Variants in GRIA1 observed in about 807,000 individuals in gnomAD.
GRIA1 encodes the protein glutamate receptor 1.
GRIA1 carries 31 observed loss-of-function variants against 99.2 expected under a neutral mutation model. The ratio of observed to expected loss-of-function variants is 0.31; its 90% CI spans 0.23 to 0.42. GRIA1 has a LOEUF of 0.42. Ranked by LOEUF, GRIA1 falls within the 10% of genes least tolerant of loss-of-function variation. The pLI is 1.00. For synonymous variants in GRIA1, 438 were observed against 432.4 expected (o/e 1.01, Z -0.16); for missense variants, 782 against 1,157.5 (o/e 0.68, Z 4.71).
intron 13 of GRIA1, among the ~76,000 whole-genome samples, chr5:153,777,010 G>C (rs796276877): frequency 6.6e-6 from 1 of 152,166 alleles, no homozygotes; most frequent in East Asian, 1.9e-4. Flanking sequence ...AAACAAATAA[G>C]CAAGTGCTTT....
chr5:153,580,215 G>A (rs889862180), intron 2 of GRIA1, among the ~76,000 whole-genome samples: 1 of 152,224 alleles, frequency 6.6e-6, no homozygotes, highest in African/African-American at 2.4e-5. Context: ...ACAGTAGGAA[G>A]AGAACTCTTC....
At chr5:153,682,410 G>A (rs1409029206) in intron 7 of GRIA1, among the ~76,000 whole-genome samples, 2 of 152,170 alleles carry the variant, frequency 1.3e-5, no homozygotes, top group Non-Finnish European at 2.9e-5. Flanking sequence ...ACTTTAGTCA[G>A]GCTTCTGAAC....
intron 13 of GRIA1, among the ~76,000 whole-genome samples, chr5:153,779,751 G>A (rs926551153): frequency 1.3e-5 from 2 of 152,052 alleles, no homozygotes; most frequent in African/African-American, 2.4e-5. Flanking sequence ...TAGTAAAGAC[G>A]GGATTTCACC....
At chr5:153,645,389 ACTCACAGTAGACAATTAGGTAC>A (rs1213938079) in intron 2 of GRIA1, among the ~76,000 whole-genome samples, 2 of 152,116 alleles carry the variant, frequency 1.3e-5, no homozygotes, top group African/African-American at 2.4e-5. Context: ...GAAAATGGAG[ACTCACAGTAGACAATTAGGTAC>A]CACTGGTTAA....
rs868312437 is a variant in GRIA1, at chr5:153,770,299, G to C, written c.2154G>C (p.Leu718=). 6.2e-7 allele frequency: 1 copy of C among 1,613,896 alleles called. No individual in the cohort carries two copies. The highest frequency in any genetic ancestry group is 1.7e-5 in the Admixed American group (1 of 59,986). ...RKSKGKYAYL[L]ESTMNEYIEQ... The stretch of plus-strand genomic sequence containing the variant: ...CCAAAGGCAAATATGCCTACCTCCT[G>C]GAGTCCACCATGAATGAGTACATTG... The change falls in exon 13 of 16, where the codon CTG becomes CTC. Residue 718 remains leucine (L), a synonymous_variant. Coordinates refer to ENST00000285900, the MANE Select transcript of GRIA1 (RefSeq NM_000827.4).
At chr5:153,718,403 G>A (rs1759811361) in intron 11 of GRIA1, among the ~76,000 whole-genome samples, 1 of 152,240 alleles carries the variant, frequency 6.6e-6, no homozygotes, top group Admixed American at 6.5e-5. Flanking sequence ...TAAGACAAAG[G>A]GGTCGGCGGG....
intron 2 of GRIA1, among the ~76,000 whole-genome samples, chr5:153,617,681 C>T (rs1766637049): frequency 6.6e-6 from 1 of 152,148 alleles, no homozygotes; most frequent in Admixed American, 6.5e-5. Context: ...CAGAACAAAC[C>T]AACTGAAGCA....
intron 5 of GRIA1, among the ~76,000 whole-genome samples, chr5:153,673,715 A>G (rs1471926385): frequency 6.6e-6 from 1 of 152,246 alleles, no homozygotes; most frequent in African/African-American, 2.4e-5. Context: ...AACTGAAATG[A>G]GGCCATAGAT....
intron 2 of GRIA1, among the ~76,000 whole-genome samples, chr5:153,606,720 T>G (rs966832299): frequency 6.6e-6 from 1 of 151,952 alleles, no homozygotes; most frequent in Non-Finnish European, 1.5e-5. Flanking sequence ...TGATTAATTT[T>G]ATATTGATTT....
chr5:153,622,330 G>GTACC (rs1475939310), intron 2 of GRIA1, among the ~76,000 whole-genome samples: 2 of 152,184 alleles, frequency 1.3e-5, no homozygotes, highest in Non-Finnish European at 2.9e-5. Flanking sequence ...ATCCAAACGA[G>GTACC]TACCTCATCT....
intron 8 of GRIA1, among the ~76,000 whole-genome samples, chr5:153,688,586 G>A (rs1361393503): frequency 2.6e-5 from 4 of 152,276 alleles, no homozygotes; most frequent in Admixed American, 6.5e-5. Flanking sequence ...GTTAGCACAC[G>A]GCTGAAATCT....
At chr5:153,640,954 A>T (rs1753739523) in intron 2 of GRIA1, among the ~76,000 whole-genome samples, 1 of 152,162 alleles carries the variant, frequency 6.6e-6, no homozygotes, top group African/African-American at 2.4e-5. Flanking sequence ...AATTCTTTGC[A>T]TGTCAGCATT....
intron 13 of GRIA1, among the ~76,000 whole-genome samples, chr5:153,773,425 C>T (rs1240516756): frequency 2.0e-5 from 3 of 152,132 alleles, no homozygotes; most frequent in Non-Finnish European, 2.9e-5. Flanking sequence ...TAACCACCAA[C>T]TTGGGAATTA....
At chr5:153,553,422 A>G (rs1299768540) in intron 2 of GRIA1, among the ~76,000 whole-genome samples, 1 of 152,226 alleles carries the variant, frequency 6.6e-6, no homozygotes, top group East Asian at 1.9e-4. Flanking sequence ...AAGAAAGTAA[A>G]GTACACTTGG....
intron 3 of GRIA1, among the ~76,000 whole-genome samples, chr5:153,649,431 AT>A (rs1300774272): frequency 9.3e-6 from 1 of 107,708 alleles, no homozygotes; most frequent in Non-Finnish European, 2.3e-5. Flanking sequence ...GACACATTTT[AT>A]TTATTTATTT....
At chr5:153,510,649 C>T (rs1278669569) in intron 2 of GRIA1, among the ~76,000 whole-genome samples, 1 of 152,074 alleles carries the variant, frequency 6.6e-6, no homozygotes, top group African/African-American at 2.4e-5. Flanking sequence ...CTTTGAAGGT[C>T]AGGAATAAGT....
intron 5 of GRIA1, among the ~76,000 whole-genome samples, chr5:153,671,179 T>G (rs537196810): frequency 6.6e-6 from 1 of 152,300 alleles, no homozygotes; most frequent in South Asian, 2.1e-4. Flanking sequence ...GACATTCTGG[T>G]GACAAGATTG....
chr5:153,505,767 A>G, intron 2 of GRIA1, among the ~76,000 whole-genome samples: 1 of 152,260 alleles, frequency 6.6e-6, no homozygotes, highest in East Asian at 1.9e-4. Context: ...AGCTAGGAAG[A>G]TAGACAATGA....
intron 2 of GRIA1, among the ~76,000 whole-genome samples, chr5:153,636,737 C>T (rs1237677626): frequency 6.6e-6 from 1 of 152,216 alleles, no homozygotes; most frequent in African/African-American, 2.4e-5. Flanking sequence ...TAAAAATAAA[C>T]ATTGTATCCC....
Sources: allele counts gnomAD v4.1 joint callset (sites outside exome capture counted in the v4.1 genomes callset), GRCh38; gene constraint gnomAD v4.1.1; transcripts MANE v1.5; gene names NCBI Gene and HGNC (gene_info 2026-07-23, HGNC 2026-07-21).